Variants in COL27A1 observed in about 807,000 individuals in gnomAD.
COL27A1 encodes collagen alpha-1(XXVII) chain.
A neutral mutation model predicts 251.3 loss-of-function variants in COL27A1; 106 were observed. The observed-to-expected ratio is 0.42, with a 90% CI of 0.36 to 0.50. COL27A1 has a LOEUF of 0.50. Ranked by LOEUF, COL27A1 falls within the 20% of genes least tolerant of loss-of-function variation. COL27A1 has a pLI of 0.00. For missense variants in COL27A1, 2,325 were observed against 2,522.8 expected, an observed-to-expected ratio of 0.92 and a Z score of 1.68; for synonymous variants, 1,000 against 986.3, an observed-to-expected ratio of 1.01 and a Z score of -0.26.
chr9:114,300,167 T>A (rs748078165), intron 50 of COL27A1, 44 bp downstream of exon 50: 2 of 1,540,126 alleles, frequency 1.3e-6, no homozygotes, highest in Non-Finnish European at 9.0e-7. Context: ...GTCCCATCCA[T>A]TCACCCCATT....
At chr9:114,310,509 C>A (rs1286058393) in intron 60 of COL27A1, 40 bp from the exon 61 acceptor site, 1 of 1,610,310 alleles carries the variant, frequency 6.2e-7, no homozygotes, top group Non-Finnish European at 8.5e-7. Context: ...TGATAAGAAT[C>A]ACGATGGATG....
intron 51 of COL27A1, 122 bp downstream of exon 51, chr9:114,300,809 AG>A (rs1828565440): frequency 1.2e-6 from 1 of 868,650 alleles, no homozygotes; most frequent in African/African-American, 1.7e-5. Context: ...TTCTGCCCAC[AG>A]GCCTGGTTCC....
chr9:114,258,300 G>A (rs763020755), intron 27 of COL27A1, among the ~76,000 whole-genome samples: 72 of 152,166 alleles, frequency 4.7e-4, no homozygotes, highest in Admixed American at 8.5e-4. Flanking sequence ...AGGAAAGGTC[G>A]AGGCCCATCC....
intron 5 of COL27A1, among the ~76,000 whole-genome samples, chr9:114,191,325 C>T (rs745992463): frequency 9.2e-5 from 14 of 152,032 alleles, no homozygotes; most frequent in South Asian, 4.2e-4. Context: ...CATAGGGAAA[C>T]GTGTGCCATG....
intron 23 of COL27A1, among the ~76,000 whole-genome samples, chr9:114,243,913 T>G (rs4563959): frequency 2.7e-5 from 4 of 146,858 alleles, no homozygotes; most frequent in Non-Finnish European, 5.9e-5. Flanking sequence ...ACCGTTTCTG[T>G]TTTTTTCTTT....
At chr9:114,234,724 A>G (rs1832235974) in intron 16 of COL27A1, among the ~76,000 whole-genome samples, 2 of 152,170 alleles carry the variant, frequency 1.3e-5, no homozygotes, top group African/African-American at 2.4e-5. Context: ...CTGTTTACAC[A>G]TAGTCTCAAC....
At chr9:114,277,633 C>T (rs145932791) in intron 37 of COL27A1, among the ~76,000 whole-genome samples, 3 of 152,260 alleles carry the variant, frequency 2.0e-5, no homozygotes, top group Non-Finnish European at 2.9e-5. Context: ...AATACGAGGG[C>T]GCTGAGTCAG....
chr9:114,182,937 G>A, intron 4 of COL27A1, 85 bp from the exon 5 acceptor site: 1 of 1,148,440 alleles, frequency 8.7e-7, no homozygotes, highest in Non-Finnish European at 1.3e-6. Context: ...GTGGGTGGAG[G>A]GAAGGTGCCA....
chr9:114,168,382 C>A lies in COL27A1; in HGVS notation c.827C>A (p.Thr276Lys), dbSNP rs1325667875. The A allele has an allele frequency of 1.9e-6, 3 of 1,613,384 alleles. No homozygotes were observed. In the African/African-American group the frequency reaches 4.0e-5, roughly 22 times the overall value. ...GGCCTGGAGAACTTGACCACTGCCA[C>A]ACCAGCCCTGGGGTCACTGCCAGCA... Reference protein sequence around the residue: ...LLGLENLTTATPALGSLPAGR... With the variant: ...LLGLENLTTAKPALGSLPAGR... Residue 276 changes from threonine to lysine, a missense_variant, in exon 3 of 61, where the codon ACA (threonine) becomes AAA (lysine). Physicochemically the swap from Thr to Lys is moderately conservative, Grantham distance 78 (BLOSUM62 -1). Around this residue, in one of 4 missense-constraint regions of COL27A1, gnomAD observed 1,183 missense variants for 1,144.1 expected, o/e 1.03. Transcript: ENST00000356083.
At chr9:114,236,682 C>T (rs1352986005) in intron 17 of COL27A1, among the ~76,000 whole-genome samples, 1 of 152,186 alleles carries the variant, frequency 6.6e-6, no homozygotes, top group Non-Finnish European at 1.5e-5. Context: ...GACCCTGTCT[C>T]CAGAGTTCCC....
chr9:114,295,886 G>A (rs1448846355), intron 49 of COL27A1, among the ~76,000 whole-genome samples: 1 of 152,082 alleles, frequency 6.6e-6, no homozygotes, highest in Admixed American at 6.6e-5. Context: ...AACCTCAGGT[G>A]ATCCACCACC....
intron 24 of COL27A1, among the ~76,000 whole-genome samples, chr9:114,248,921 G>A (rs1833339296): frequency 1.3e-5 from 2 of 152,180 alleles, no homozygotes; most frequent in African/African-American, 4.8e-5. Flanking sequence ...CTCCCTTGTG[G>A]GAAGCCCAGG....
At position 114,168,536 on chromosome 9, in the gene COL27A1, G is replaced by A; in HGVS notation, c.981G>A (p.Leu327=). The change falls in exon 3 of 61, where the codon CTG becomes CTA. Residue 327 remains leucine, a synonymous_variant. Coordinates refer to ENST00000356083, the MANE Select transcript of COL27A1 (RefSeq NM_032888.4). The stretch of plus-strand genomic sequence containing the variant: ...AAACCCCGCTGCTACCTGCCAAGCT[G>A]TCAGCCAGTAACGCACTTGATCCCA... ...PAQTPLLPAK[L]SASNALDPML... is the part of the protein sequence containing the mutation. 6.2e-7 allele frequency: 1 copy of A among 1,613,996 alleles called. No homozygotes were observed. The highest frequency in any genetic ancestry group is 8.5e-7 in the Non-Finnish European group (1 of 1,179,918).
chr9:114,175,584 C>G (rs4979346), intron 3 of COL27A1, among the ~76,000 whole-genome samples: 103,214 of 152,076 alleles, frequency 0.68, 35,200 homozygotes, highest in South Asian at 0.8. Context: ...TCAAGGAGTC[C>G]GCCTGTGGGC....
At chr9:114,291,910 A>G (rs1827947241) in intron 48 of COL27A1, among the ~76,000 whole-genome samples, 193 bp from the exon 49 acceptor site, 1 of 152,084 alleles carries the variant, frequency 6.6e-6, no homozygotes, top group Non-Finnish European at 1.5e-5. Flanking sequence ...GAGGAGAGAC[A>G]GAGACCTTCC....
chr9:114,160,004 C>T (rs1048128547), intron 1 of COL27A1, among the ~76,000 whole-genome samples: 1 of 152,244 alleles, frequency 6.6e-6, no homozygotes, highest in Non-Finnish European at 1.5e-5. Flanking sequence ...CCATGGTGAG[C>T]TGGGGGCCTG....
chr9:114,236,170 C>A (rs763918575), intron 17 of COL27A1, among the ~76,000 whole-genome samples: 20 of 152,154 alleles, frequency 1.3e-4, no homozygotes, highest in Non-Finnish European at 2.6e-4. Flanking sequence ...CTGCTCAGAG[C>A]CCTTTTTCCC....
intron 5 of COL27A1, among the ~76,000 whole-genome samples, chr9:114,188,015 C>T (rs1407749988): frequency 6.6e-6 from 1 of 152,152 alleles, no homozygotes; most frequent in Non-Finnish European, 1.5e-5. Context: ...GGGGATTAGC[C>T]TGGGAGGGTT....
rs1280803639 is a variant in COL27A1, at chr9:114,309,391, G to A, written c.5349G>A (p.Lys1783=). The change falls in exon 60 of 61, where the codon AAG becomes AAA. Residue 1783 remains lysine, a synonymous_variant. Coordinates refer to ENST00000356083, the MANE Select transcript of COL27A1 (RefSeq NM_032888.4). The stretch of plus-strand genomic sequence containing the variant: ...AGGGCACTGGGCAGACCCCAGCCAA[G>A]CAGGCCGTACGCTTCCGGGCCTGGA... ...WQEGTGQTPA[K]QAVRFRAWNG... 3 of 1,614,000 alleles carry A rather than the reference G, an allele frequency of 1.9e-6. No individual in the cohort carries two copies. The highest frequency in any genetic ancestry group is 2.5e-6 in the Non-Finnish European group (3 of 1,180,048).
Sources: gnomAD v4.1 joint callset for allele counts (sites outside exome capture counted in the v4.1 genomes callset) on GRCh38, gnomAD v4.1.1 for gene constraint, gnomAD v4.1.1 regional missense constraint, MANE v1.5 for transcripts, NCBI Gene and HGNC (gene_info 2026-07-23, HGNC 2026-07-21) for gene names.